The following SUCLG2 variants were observed in gnomAD, a reference collection of about 807,000 sequenced individuals.
SUCLG2 encodes succinate-CoA ligase GDP-forming subunit beta.
In SUCLG2, 42 loss-of-function variants were observed where a neutral mutation model predicts 47.9. The observed-to-expected ratio is 0.88, with a 90% CI of 0.69 to 1.14. The LOEUF (loss-of-function observed/expected upper bound fraction) is 1.14, where lower values mean the gene tolerates loss of function less well. SUCLG2 is among the 50% of genes most tolerant of loss of function. SUCLG2 has a pLI of 0.00. For synonymous variants in SUCLG2, 195 were observed against 197.3 expected (o/e 0.99, Z 0.10); for missense variants, 571 against 525.9 (o/e 1.09, Z -0.84).
At chr3:67,414,711 G>A (rs1003103703) in intron 9 of SUCLG2, among the ~76,000 whole-genome samples, 1 of 152,142 alleles carries the variant, frequency 6.6e-6, no homozygotes, top group Non-Finnish European at 1.5e-5. Context: ...TGTCCTTACT[G>A]CTTAATCTGT....
At chr3:67,551,191 G>A (rs187520059) in intron 2 of SUCLG2, among the ~76,000 whole-genome samples, 4 of 152,328 alleles carry the variant, frequency 2.6e-5, no homozygotes, top group African/African-American at 7.2e-5. Flanking sequence ...GTTAAAAAGG[G>A]TTAGATGCCT....
chr3:67,374,457 G>A (rs1387785694), downstream of SUCLG2, among the ~76,000 whole-genome samples: 5 of 152,090 alleles, frequency 3.3e-5, no homozygotes, highest in Admixed American at 6.6e-5. Context: ...TTTGCGTTAC[G>A]CAGACTGACA....
intron 1 of SUCLG2, among the ~76,000 whole-genome samples, chr3:67,635,133 A>C (rs919679307): frequency 2.0e-5 from 3 of 152,232 alleles, no homozygotes; most frequent in Non-Finnish European, 4.4e-5. Context: ...GAGCCAGCAA[A>C]ACAACATGAA....
At chr3:67,373,766 CCT>C (rs975264361), downstream of SUCLG2, among the ~76,000 whole-genome samples, 11 of 152,048 alleles carry the variant, frequency 7.2e-5, no homozygotes, top group African/African-American at 2.2e-4. Flanking sequence ...CCCTCTGCTC[CCT>C]CTCTCTTTCT....
At chr3:67,367,930 T>C (rs1348288672) in intron 10 of SUCLG2, among the ~76,000 whole-genome samples, 1 of 152,196 alleles carries the variant, frequency 6.6e-6, no homozygotes, top group African/African-American at 2.4e-5. Context: ...GCATTATTAC[T>C]TCTCTTTTGC....
chr3:67,606,050 CA>C (rs1700410852), intron 2 of SUCLG2, among the ~76,000 whole-genome samples: 1 of 151,756 alleles, frequency 6.6e-6, no homozygotes, highest in Non-Finnish European at 1.5e-5. Context: ...AATAAAGACA[CA>C]AAAATTAGCC....
intron 2 of SUCLG2, among the ~76,000 whole-genome samples, chr3:67,529,963 C>T (rs935753294): frequency 6.6e-6 from 1 of 152,212 alleles, no homozygotes; most frequent in African/African-American, 2.4e-5. Flanking sequence ...TAGCTCCCCT[C>T]CCCAACCACC....
intron 2 of SUCLG2, among the ~76,000 whole-genome samples, chr3:67,538,784 A>C (rs1706617556): frequency 6.6e-6 from 1 of 152,160 alleles, no homozygotes; most frequent in Non-Finnish European, 1.5e-5. Context: ...CAAACCTTGT[A>C]GTTGTATATC....
intron 10 of SUCLG2, among the ~76,000 whole-genome samples, chr3:67,368,848 T>G (rs1026710239): frequency 6.6e-6 from 1 of 152,072 alleles, no homozygotes; most frequent in Non-Finnish European, 1.5e-5. Context: ...TCAGGTGATC[T>G]GCACCCCTCA....
chr3:67,370,530 G>A (rs114043295), downstream of SUCLG2, among the ~76,000 whole-genome samples: 152 of 152,146 alleles, frequency 1.0e-3, no homozygotes, highest in Middle Eastern at 0.024. Context: ...TAATATACAG[G>A]AATCCCCCCT....
intron 9 of SUCLG2, among the ~76,000 whole-genome samples, chr3:67,429,958 T>C (rs1180937142): frequency 1.3e-5 from 2 of 152,082 alleles, no homozygotes; most frequent in African/African-American, 4.8e-5. Context: ...AGCAAGTCCT[T>C]AGAGACCTAC....
intron 1 of SUCLG2, among the ~76,000 whole-genome samples, chr3:67,618,248 C>T (rs572605808): frequency 5.3e-5 from 8 of 152,126 alleles, no homozygotes; most frequent in African/African-American, 1.9e-4. Flanking sequence ...GGTGAAAGCC[C>T]GTCTCTACTA....
chr3:67,531,439 A>G (rs545989685), intron 2 of SUCLG2, among the ~76,000 whole-genome samples: 1 of 152,344 alleles, frequency 6.6e-6, no homozygotes, highest in East Asian at 1.9e-4. Flanking sequence ...TTGGCACTAC[A>G]TAGGCTTGAT....
chr3:67,484,282 A>G (rs1681766384), intron 9 of SUCLG2, among the ~76,000 whole-genome samples: 1 of 152,142 alleles, frequency 6.6e-6, no homozygotes, highest in Non-Finnish European at 1.5e-5. Context: ...GCCCCATTGT[A>G]TTACAGTCTT....
downstream of SUCLG2, among the ~76,000 whole-genome samples, chr3:67,371,115 A>G (rs1701947603): frequency 6.6e-6 from 1 of 152,146 alleles, no homozygotes; most frequent in Non-Finnish European, 1.5e-5. Context: ...ATCATGGCTT[A>G]CTTTCATTTT....
At chr3:67,579,615 T>C (rs962097635) in intron 2 of SUCLG2, among the ~76,000 whole-genome samples, 3 of 152,214 alleles carry the variant, frequency 2.0e-5, no homozygotes, top group East Asian at 1.9e-4. Flanking sequence ...TTCTACCTGA[T>C]TGGAAAGTCT....
At chr3:67,542,442 C>A (rs760602081) in intron 2 of SUCLG2, among the ~76,000 whole-genome samples, 1 of 152,102 alleles carries the variant, frequency 6.6e-6, no homozygotes, top group Non-Finnish European at 1.5e-5. Context: ...AAATAACCAG[C>A]TAGCATCATA....
At chr3:67,480,111 G>A (rs933305961) in intron 9 of SUCLG2, among the ~76,000 whole-genome samples, 6 of 147,332 alleles carry the variant, frequency 4.1e-5, no homozygotes, top group African/African-American at 1.5e-4. Flanking sequence ...ACCATAGGAC[G>A]CAAGAGTGTG....
intron 2 of SUCLG2, among the ~76,000 whole-genome samples, chr3:67,586,862 A>G (rs1708033527): frequency 6.6e-6 from 1 of 152,174 alleles, no homozygotes. Flanking sequence ...TCTGACTCCT[A>G]TGGGCTTAGT....
Sources: allele counts gnomAD v4.1 joint callset (sites outside exome capture counted in the v4.1 genomes callset), GRCh38; gene constraint gnomAD v4.1.1; transcripts MANE v1.5; gene names NCBI Gene and HGNC (gene_info 2026-07-23, HGNC 2026-07-21).